The following JAKMIP1 variants were observed in gnomAD, a reference collection of about 807,000 sequenced individuals.
JAKMIP1 encodes janus kinase and microtubule-interacting protein 1.
In JAKMIP1, 33 loss-of-function variants were observed where a neutral mutation model predicts 113.0. The ratio of observed to expected loss-of-function variants is 0.29; its 90% CI spans 0.22 to 0.39. The LOEUF (loss-of-function observed/expected upper bound fraction) is 0.39, where lower values mean the gene tolerates loss of function less well. JAKMIP1 is among the 10% of genes least tolerant of loss of function. JAKMIP1 has a pLI of 1.00. For missense variants in JAKMIP1, 813 were observed against 1,080.5 expected, an observed-to-expected ratio of 0.75 and a Z score of 3.47; for synonymous variants, 480 against 459.9, an observed-to-expected ratio of 1.04 and a Z score of -0.56.
chr4:6,029,879 G>A, intron 19 of JAKMIP1, 98 bp from the exon 20 acceptor site: 1 of 844,408 alleles, frequency 1.2e-6, no homozygotes, highest in Admixed American at 2.0e-5. Flanking sequence ...AAGCTGTAAA[G>A]GATACCAACA....
rs149417584 is a variant in JAKMIP1, at chr4:6,186,098, C to T, written c.-148+14155G>A. On this transcript the variant is annotated intron_variant, in intron 1 of 20. Coordinates refer to ENST00000409021, the MANE Select transcript of JAKMIP1 (RefSeq NM_001099433.2). The surrounding 1 kb of genome is among the most constrained non-coding windows in gnomAD (Gnocchi z 5.5). The stretch of plus-strand genomic sequence containing the variant: ...TGGCTAGGGGCTACAGGAAGGAGAA[C>T]GAACAAGTTGTGGTGAGAATTACAC... 3.8e-3 allele frequency among the ~76,000 whole-genome samples: 584 copies of T among 152,142 alleles called. 7 individuals carry two copies. The highest frequency in any genetic ancestry group is 0.013 in the African/African-American group (552 of 41,494).
In JAKMIP1 at chr4:6,105,473, C is replaced by T. The variant is rs1485824263; in HGVS notation, c.624G>A (p.Leu208=). 2 of 1,595,172 alleles carry T rather than the reference C, an allele frequency of 1.3e-6. No individual in the cohort carries two copies. Among genetic ancestry groups the T allele is most frequent in the Admixed American group, 3.4e-5 (2 of 59,430 alleles). Residue 208 remains leucine, a splice_region_variant and synonymous_variant, in exon 3 of 21, where the codon CTG becomes CTA. Coordinates refer to ENST00000409021, the MANE Select transcript of JAKMIP1 (RefSeq NM_001099433.2). ...GGGCGGGGGAGGGGGCGGCACGTAC[C>T]AGCCTGCGGATGTCGCGCTCGCACT... ...KRECERDIRR[L]MDEIKGKDRV... is the part of the protein sequence containing the mutation.
Position 6,176,878 on chromosome 4 carries a change from C to G in JAKMIP1, c.-148+23375G>C, listed in dbSNP as rs1439380188. On this transcript the variant is annotated intron_variant, in intron 1 of 20. Transcript: ENST00000409021. The surrounding 1 kb of genome is among the most constrained non-coding windows in gnomAD (Gnocchi z 5.5). ...CGAAACCCTGCCTCTACAAAAAATACAAAAATTAGCCAGGCATGGTGGCAT... is the reference window on the plus strand; with the variant it reads ...CGAAACCCTGCCTCTACAAAAAATAGAAAAATTAGCCAGGCATGGTGGCAT... Among the ~76,000 whole-genome samples, 1 of 152,120 alleles carries G rather than the reference C, an allele frequency of 6.6e-6. No homozygotes were observed. Among genetic ancestry groups the G allele is most frequent in the Non-Finnish European group, 1.5e-5 (1 of 68,028 alleles).
At chr4:6,083,097 G>T (rs926806105) in intron 5 of JAKMIP1, among the ~76,000 whole-genome samples, 1 of 152,088 alleles carries the variant, frequency 6.6e-6, no homozygotes, top group Non-Finnish European at 1.5e-5. Flanking sequence ...ACTAGCAGTA[G>T]TTACCTCATG....
Position 6,155,579 on chromosome 4 carries a change from T to C in JAKMIP1, c.-147-42582A>G, listed in dbSNP as rs1333905287. The stretch of plus-strand genomic sequence containing the variant: ...TAAACGCCCAGCGCTGCTACCTGAT[T>C]TCCCCTAAAGAACTCACGGAGGATT... On this transcript the variant is annotated intron_variant, in intron 1 of 20. Transcript: ENST00000409021. The surrounding 1 kb of genome is among the most constrained non-coding windows in gnomAD (Gnocchi z 6.1). Among the ~76,000 whole-genome samples the C allele has an allele frequency of 6.6e-6, 1 of 152,182 alleles. No individual in the cohort carries two copies. Among genetic ancestry groups the C allele is most frequent in the East Asian group, 1.9e-4 (1 of 5,200 alleles).
intron 1 of JAKMIP1, among the ~76,000 whole-genome samples, chr4:6,165,044 G>A (rs1056069926): frequency 6.6e-6 from 1 of 152,220 alleles, no homozygotes; most frequent in African/African-American, 2.4e-5. Context: ...AAGTTCTACT[G>A]TGGGCAAAAT....
In JAKMIP1 at chr4:6,108,406, A is replaced by T. The variant is rs1278400187; in HGVS notation, c.130-2439T>A. The stretch of plus-strand genomic sequence containing the variant: ...GCCGCTCCTCAGCACTTGGACTCTA[A>T]ATGCAGCCACGGCACAAAGGCCAAG... On this transcript the variant is annotated intron_variant, in intron 2 of 20. Transcript: ENST00000409021. This position sits in a 1 kb window ranked among gnomAD's most constrained non-coding sequence, Gnocchi z 5.6. 1.3e-5 allele frequency among the ~76,000 whole-genome samples: 2 copies of T among 152,102 alleles called. No homozygotes were observed. The highest frequency in any genetic ancestry group is 2.4e-5 in the African/African-American group (1 of 41,422).
At position 6,050,022 on chromosome 4, in the gene JAKMIP1, G is replaced by A. The variant is rs116472375; in HGVS notation, c.1909-150C>T. On this transcript the variant is annotated intron_variant, in intron 14 of 20. Coordinates refer to ENST00000409021, the MANE Select transcript of JAKMIP1 (RefSeq NM_001099433.2). The surrounding 1 kb of genome is among the most constrained non-coding windows in gnomAD (Gnocchi z 7.4). Reference sequence around the variant, plus strand: ...TTGCGCCCAGCCGTTCCTCTGGGGAGTGAGGGAGAGAAGGCATAACTGCTG... The same window carrying A: ...TTGCGCCCAGCCGTTCCTCTGGGGAATGAGGGAGAGAAGGCATAACTGCTG... The A allele has an allele frequency of 5.3e-3, 3,356 of 630,218 alleles. 10 individuals carry two copies. The highest frequency in any genetic ancestry group is 7.6e-3 in the Non-Finnish European group (2,667 of 352,476). The allele number at this position is 630,218 out of a possible 1,614,324, so 39.0% of individuals were successfully genotyped here. A position where few individuals can be genotyped will look rare whatever the true frequency, so the allele number is the denominator to read the frequency against.
chr4:6,092,489 G>C (rs964077523), intron 3 of JAKMIP1, among the ~76,000 whole-genome samples: 3 of 152,244 alleles, frequency 2.0e-5, no homozygotes, highest in Non-Finnish European at 4.4e-5. Context: ...AATGCACGGG[G>C]CTTGGCAGAG....
intron 7 of JAKMIP1, among the ~76,000 whole-genome samples, chr4:6,079,597 G>C (rs1720207232): frequency 1.3e-5 from 2 of 152,142 alleles, no homozygotes; most frequent in South Asian, 4.1e-4. Flanking sequence ...TCTGCCTGTT[G>C]CCGAAGTTCC....
At chr4:6,029,863 G>T in intron 19 of JAKMIP1, 82 bp from the exon 20 acceptor site, 2 of 975,810 alleles carry the variant, frequency 2.0e-6, no homozygotes, top group Non-Finnish European at 1.6e-6. Context: ...TTGTGGTCTA[G>T]CACAGAAGCT....
In JAKMIP1 at chr4:6,049,276, T is replaced by C. The variant is rs1477732765; in HGVS notation, c.1963-354A>G. Among the ~76,000 whole-genome samples the C allele has an allele frequency of 6.6e-6, 1 of 152,186 alleles. No individual in the cohort carries two copies. The highest frequency in any genetic ancestry group is 1.5e-5 in the Non-Finnish European group (1 of 68,040). On this transcript the variant is annotated intron_variant, in intron 15 of 20. Transcript: ENST00000409021. This position sits in a 1 kb window ranked among gnomAD's most constrained non-coding sequence, Gnocchi z 7.0. ...GTCTCGAACTCCTGACCTCAGGTGA[T>C]CCGCCAGCCTCAGCCTTCCAAAGTG... is the stretch of plus-strand genomic sequence containing the variant.
rs1194325317 is a variant in JAKMIP1 at position 6,176,230 on chromosome 4, C to T, written c.-148+24023G>A. ...TGGGTGGAAAAGGACAGATCACCCC[C>T]TCATACGTTTCAGACCAGCTGCTCC... On this transcript the variant is annotated intron_variant, in intron 1 of 20. Transcript: ENST00000409021. This position sits in a 1 kb window ranked among gnomAD's most constrained non-coding sequence, Gnocchi z 5.5. Among the ~76,000 whole-genome samples the T allele has an allele frequency of 6.6e-6, 1 of 152,184 alleles. No individual in the cohort carries two copies. Among genetic ancestry groups the T allele is most frequent in the African/African-American group, 2.4e-5 (1 of 41,432 alleles).
In JAKMIP1 at chr4:6,183,307, C is replaced by T. The variant is rs547810921; in HGVS notation, c.-148+16946G>A. On this transcript the variant is annotated intron_variant, in intron 1 of 20. Transcript: ENST00000409021. The surrounding 1 kb of genome is among the most constrained non-coding windows in gnomAD (Gnocchi z 5.3). ...CAGTCTGGCCAACATGGTGAAACTC[C>T]GTCTGTACTAAAAATACAAAAATTA... Among the ~76,000 whole-genome samples the T allele has an allele frequency of 2.8e-4, 43 of 151,902 alleles. No homozygotes were observed. Among genetic ancestry groups the T allele is most frequent in the African/African-American group, 5.6e-4 (23 of 41,416 alleles).
At chr4:6,060,311 G>C in intron 11 of JAKMIP1, 113 bp downstream of exon 11, 2 of 795,830 alleles carry the variant, frequency 2.5e-6, no homozygotes, top group Non-Finnish European at 4.5e-6. Flanking sequence ...CGTCTCTGGA[G>C]CTCCTGATCC....
At position 6,069,225 on chromosome 4, in the gene JAKMIP1, A is replaced by T. The variant is rs575906937; in HGVS notation, c.1303-4217T>A. On this transcript the variant is annotated intron_variant, in intron 8 of 20. Coordinates refer to ENST00000409021, the MANE Select transcript of JAKMIP1 (RefSeq NM_001099433.2). The surrounding 1 kb of genome is among the most constrained non-coding windows in gnomAD (Gnocchi z 4.5). ...TCATGACTGGCACACAGTGGGCTTT[A>T]AAAAAAATGGCAAACATGAAAGAAA... Among the ~76,000 whole-genome samples the T allele has an allele frequency of 2.6e-5, 4 of 152,076 alleles. No homozygotes were observed. The highest frequency in any genetic ancestry group is 1.9e-4 in the East Asian group (1 of 5,166).
At chr4:6,046,320 T>C (rs916154949) in intron 16 of JAKMIP1, among the ~76,000 whole-genome samples, 30 of 152,248 alleles carry the variant, frequency 2.0e-4, no homozygotes, top group Admixed American at 1.6e-3. Context: ...CCAAGCTTAC[T>C]GGACCTTTAT....
intron 2 of JAKMIP1, among the ~76,000 whole-genome samples, chr4:6,111,482 C>T (rs1468292028): frequency 6.6e-6 from 1 of 152,252 alleles, no homozygotes; most frequent in Non-Finnish European, 1.5e-5. Context: ...GCCTGGGCAC[C>T]AGATGTTGAT....
chr4:6,047,523 A>C (rs1310410249), intron 16 of JAKMIP1, among the ~76,000 whole-genome samples: 1 of 152,204 alleles, frequency 6.6e-6, no homozygotes, highest in Non-Finnish European at 1.5e-5. Context: ...GGTTCACCAG[A>C]AGACACAAGC....
Sources: allele counts gnomAD v4.1 joint callset (sites outside exome capture counted in the v4.1 genomes callset), GRCh38; gene constraint gnomAD v4.1.1; non-coding constraint Gnocchi (gnomAD v3.1); transcripts MANE v1.5; gene names NCBI Gene and HGNC (gene_info 2026-07-23, HGNC 2026-07-21).